Variants in TRIP12 observed in about 807,000 individuals in gnomAD.
TRIP12 encodes E3 ubiquitin-protein ligase TRIP12.
TRIP12 carries 25 observed loss-of-function variants against 244.2 expected under a neutral mutation model. The ratio of observed to expected loss-of-function variants is 0.10; its 90% CI spans 0.07 to 0.14. The LOEUF is 0.14. TRIP12 is among the 10% of genes least tolerant of loss of function. TRIP12 has a pLI of 1.00. For missense variants in TRIP12, 1,677 were observed against 2,486.4 expected, an observed-to-expected ratio of 0.67 and a Z score of 6.92; for synonymous variants, 905 against 873.1, an observed-to-expected ratio of 1.04 and a Z score of -0.64.
intron 8 of TRIP12, among the ~76,000 whole-genome samples, chr2:229,826,434 T>C (rs2051615270): frequency 6.6e-6 from 1 of 152,178 alleles, no homozygotes; most frequent in South Asian, 2.1e-4. Flanking sequence ...TTGACATCTA[T>C]TGGGTATCTA....
At chr2:229,894,775 G>A (rs1361574976) in intron 1 of TRIP12, among the ~76,000 whole-genome samples, 1 of 152,164 alleles carries the variant, frequency 6.6e-6, no homozygotes, top group Non-Finnish European at 1.5e-5. Context: ...TATTTAACGT[G>A]CCTAAGAATT....
At chr2:229,895,197 CAG>C (rs1453636632) in intron 1 of TRIP12, among the ~76,000 whole-genome samples, 1 of 152,106 alleles carries the variant, frequency 6.6e-6, no homozygotes, top group African/African-American at 2.4e-5. Flanking sequence ...AACAACCAAA[CAG>C]AATTTCTAAC....
At chr2:229,803,424 A>G (rs1221812884) in intron 20 of TRIP12, 147 bp downstream of exon 20, 8 of 517,930 alleles carry the variant, frequency 1.5e-5, no homozygotes, top group Admixed American at 4.1e-5. Context: ...TAAAAGACAC[A>G]TTCTACGTAC....
chr2:229,802,900 A>C (rs1049256638), intron 20 of TRIP12, among the ~76,000 whole-genome samples: 23 of 152,132 alleles, frequency 1.5e-4, no homozygotes, highest in South Asian at 4.1e-4. Context: ...CAAAAAAAAA[A>C]CCAGCTATTG....
At chr2:229,854,015 A>G (rs2059183221) in intron 4 of TRIP12, among the ~76,000 whole-genome samples, 1 of 152,200 alleles carries the variant, frequency 6.6e-6, no homozygotes, top group Non-Finnish European at 1.5e-5. Context: ...ATATAAAATT[A>G]TGCAATTTTA....
At chr2:229,829,379 T>A in intron 7 of TRIP12, 91 bp from the exon 8 acceptor site, 1 of 983,660 alleles carries the variant, frequency 1.0e-6, no homozygotes, top group Non-Finnish European at 1.5e-6. Context: ...TCATCTCGCT[T>A]AACTGATTCA....
At chr2:229,838,618 T>C (rs2055486431) in intron 5 of TRIP12, among the ~76,000 whole-genome samples, 1 of 152,206 alleles carries the variant, frequency 6.6e-6, no homozygotes, top group African/African-American at 2.4e-5. Flanking sequence ...ACTTCGCATA[T>C]GGCTTAAAAT....
intron 1 of TRIP12, among the ~76,000 whole-genome samples, chr2:229,901,436 T>C (rs1424707128): frequency 1.3e-5 from 2 of 150,558 alleles, no homozygotes; most frequent in African/African-American, 4.9e-5. Flanking sequence ...GCCTGGCCAA[T>C]ATGGTGAAAC....
chr2:229,897,242 A>C (rs2069105826), intron 1 of TRIP12, among the ~76,000 whole-genome samples: 1 of 152,208 alleles, frequency 6.6e-6, no homozygotes, highest in African/African-American at 2.4e-5. Flanking sequence ...ATTTATATAC[A>C]CTTCATTTAT....
At chr2:229,790,082 T>C (rs995928436) in intron 30 of TRIP12, among the ~76,000 whole-genome samples, 2 of 152,162 alleles carry the variant, frequency 1.3e-5, no homozygotes, top group African/African-American at 4.8e-5. Context: ...AAACAAACTG[T>C]TTAAATTTAA....
At chr2:229,894,869 C>G (rs1160834066) in intron 1 of TRIP12, among the ~76,000 whole-genome samples, 2 of 152,222 alleles carry the variant, frequency 1.3e-5, no homozygotes, top group African/African-American at 4.8e-5. Context: ...AAAAACTTCT[C>G]TGCCAGTCTG....
At chr2:229,848,306 C>G (rs1303442546) in intron 4 of TRIP12, among the ~76,000 whole-genome samples, 1 of 151,148 alleles carries the variant, frequency 6.6e-6, no homozygotes, top group African/African-American at 2.4e-5. Context: ...CAAAACCAAT[C>G]CAAAATGCAG....
At chr2:229,772,588 C>T (rs767107044) in intron 38 of TRIP12, among the ~76,000 whole-genome samples, 22 of 152,132 alleles carry the variant, frequency 1.4e-4, no homozygotes, top group African/African-American at 5.3e-4. Flanking sequence ...CTCAGCCTCC[C>T]GAGTAGCTGG....
Position 229,834,513 on chromosome 2 carries a change from A to G in TRIP12, c.1270+2335T>C, listed in dbSNP as rs1409835095. Among the ~76,000 whole-genome samples the G allele has an allele frequency of 2.0e-5, 3 of 152,198 alleles. No homozygotes were observed. The East Asian group carries it at 5.8e-4, about 29-fold the overall frequency. On this transcript the variant is annotated intron_variant, in intron 6 of 41. Coordinates refer to ENST00000675903, the MANE Select transcript of TRIP12 (RefSeq NM_001348323.3). ...AGAGGCTCACGCCTGTAATCCCAGC[A>G]CTTTGGGAGGCCAAGGTGGGCAGAT...
At chr2:229,775,857 T>C (rs1227708630) in intron 37 of TRIP12, among the ~76,000 whole-genome samples, 2 of 151,952 alleles carry the variant, frequency 1.3e-5, no homozygotes, top group African/African-American at 4.8e-5. Context: ...TGTTCACAGT[T>C]GGTTATTATA....
chr2:229,902,625 G>A (rs963022952), intron 1 of TRIP12, among the ~76,000 whole-genome samples: 13 of 152,176 alleles, frequency 8.5e-5, no homozygotes, highest in Non-Finnish European at 1.2e-4. Flanking sequence ...CAGTTTGAGA[G>A]CTAGACTTCC....
intron 9 of TRIP12, among the ~76,000 whole-genome samples, chr2:229,815,888 T>C (rs375967250): frequency 1.6e-4 from 25 of 152,324 alleles, no homozygotes; most frequent in South Asian, 6.2e-4. Context: ...AATTACTCCA[T>C]ATATGCATGA....
intron 17 of TRIP12, among the ~76,000 whole-genome samples, chr2:229,806,700 A>C (rs2045974383): frequency 6.6e-6 from 1 of 152,240 alleles, no homozygotes; most frequent in Admixed American, 6.5e-5. Flanking sequence ...GACCAGTCAA[A>C]GTCAATTTTC....
intron 20 of TRIP12, among the ~76,000 whole-genome samples, chr2:229,803,088 T>C (rs1328284107): frequency 6.6e-6 from 1 of 152,248 alleles, no homozygotes; most frequent in Admixed American, 6.5e-5. Flanking sequence ...ATAAACTATA[T>C]GCAAATATGT....
Sources: allele counts gnomAD v4.1 joint callset (sites outside exome capture counted in the v4.1 genomes callset), GRCh38; gene constraint gnomAD v4.1.1; transcripts MANE v1.5; gene names NCBI Gene and HGNC (gene_info 2026-07-23, HGNC 2026-07-21).